Variants in PRKG1 observed in about 807,000 individuals in gnomAD.
PRKG1 encodes protein kinase cGMP-dependent 1.
A neutral mutation model predicts 88.1 loss-of-function variants in PRKG1; 35 were observed. That is an observed-to-expected ratio of 0.40 (90% CI 0.30 to 0.53). PRKG1 has a LOEUF of 0.53. Ranked by LOEUF, PRKG1 falls within the 20% of genes least tolerant of loss-of-function variation. The pLI, the probability that PRKG1 is intolerant of heterozygous loss-of-function variation, is 0.59. For missense variants in PRKG1, 540 were observed against 839.8 expected, an observed-to-expected ratio of 0.64 and a Z score of 4.41; for synonymous variants, 303 against 292.5, an observed-to-expected ratio of 1.04 and a Z score of -0.37.
rs1423389612 is a variant in PRKG1, at chr10:51,218,520, TATATATATATAA to T, written c.478+65192_478+65203del. 1.5e-3 allele frequency among the ~76,000 whole-genome samples: 197 copies of T among 127,542 alleles called. 3 individuals are homozygous for T. The highest frequency in any genetic ancestry group is 2.4e-3 in the South Asian group (10 of 4,088). The allele number at this position is 127,542 out of a possible 152,430, so 83.7% of individuals were successfully genotyped here. A position where few individuals can be genotyped will look rare whatever the true frequency, so the allele number is the denominator to read the frequency against. On this transcript the variant is annotated intron_variant, in intron 2 of 17. Coordinates refer to ENST00000373980, the MANE Select transcript of PRKG1 (RefSeq NM_006258.4). ...ATATATATATATATATATATATATATATATATATATAAAATGTGTGTATTTGGCATTTATATA... is the reference window on the plus strand; with the variant it reads ...ATATATATATATATATATATATATATAATGTGTGTATTTGGCATTTATATA...
chr10:51,096,611 G>C lies in PRKG1; in HGVS notation c.311+21710G>C, dbSNP rs1157196591. Among the ~76,000 whole-genome samples the C allele has an allele frequency of 2.0e-5, 3 of 152,242 alleles. No homozygotes were observed. In the East Asian group the frequency reaches 5.8e-4, roughly 29 times the overall value. ...GTACACCTCCCAGTTGGACTCTCAG[G>C]CCTGCCAATTTAATGCTGTGTTACT... On this transcript the variant is annotated intron_variant, in intron 1 of 17. Coordinates refer to ENST00000373980, the MANE Select transcript of PRKG1 (RefSeq NM_006258.4).
At chr10:51,154,080 A>T (rs1846144913) in intron 2 of PRKG1, among the ~76,000 whole-genome samples, 1 of 151,914 alleles carries the variant, frequency 6.6e-6, no homozygotes, top group Non-Finnish European at 1.5e-5. Flanking sequence ...ACACATGAAA[A>T]CCAGTTTCTT....
intron 3 of PRKG1, among the ~76,000 whole-genome samples, chr10:51,677,760 G>A (rs1241355711): frequency 3.3e-5 from 5 of 152,176 alleles, no homozygotes. Flanking sequence ...GAGGCACTAG[G>A]TTTTGGGGAC....
chr10:51,448,488 G>A lies in PRKG1; in HGVS notation c.479-19235G>A, dbSNP rs192414322. On this transcript the variant is annotated intron_variant, in intron 2 of 17. Coordinates refer to ENST00000373980, the MANE Select transcript of PRKG1 (RefSeq NM_006258.4). ...TTACTTTCCCTTGAAATTCAAACAG[G>A]TTATTTCTGAGGATTGTGACTGCAT... Among the ~76,000 whole-genome samples, 3 of 152,102 alleles carry A rather than the reference G, an allele frequency of 2.0e-5. No individual in the cohort carries two copies. In the East Asian group the frequency reaches 5.8e-4, roughly 30 times the overall value.
intron 2 of PRKG1, among the ~76,000 whole-genome samples, chr10:51,349,549 CAGGCTGGAGTGCAG>C (rs1842194804): frequency 6.7e-6 from 1 of 148,996 alleles, no homozygotes; most frequent in Non-Finnish European, 1.5e-5. Context: ...CTCTGACACT[CAGGCTGGAGTGCAG>C]TGGCATGATC....
chr10:51,209,454 G>A lies in PRKG1; in HGVS notation c.478+56124G>A, dbSNP rs973608935. Among the ~76,000 whole-genome samples the A allele has an allele frequency of 3.9e-5, 6 of 152,240 alleles. No homozygotes were observed. The East Asian group carries it at 1.2e-3, about 29-fold the overall frequency. ...CCTGGTAAAAGTAAAATAATATAAT[G>A]TGTAAGAACTGTTCACTCATTAAGG... On this transcript the variant is annotated intron_variant, in intron 2 of 17. Transcript: ENST00000373980.
intron 2 of PRKG1, among the ~76,000 whole-genome samples, chr10:51,292,069 A>G (rs1053892181): frequency 2.6e-5 from 4 of 152,206 alleles, no homozygotes; most frequent in African/African-American, 7.2e-5. Context: ...GAGCTGCAAC[A>G]TAGCAGTTAT....
At chr10:51,927,792 T>C (rs78260550) in intron 5 of PRKG1, among the ~76,000 whole-genome samples, 1 of 152,312 alleles carries the variant, frequency 6.6e-6, no homozygotes, top group East Asian at 1.9e-4. Flanking sequence ...AAGATTTGTA[T>C]TATCATTTGA....
chr10:52,189,317 T>C (rs905486185), intron 9 of PRKG1, among the ~76,000 whole-genome samples: 9 of 152,198 alleles, frequency 5.9e-5, no homozygotes, highest in African/African-American at 2.2e-4. Context: ...TGCAGGTATA[T>C]GTTTGTGAAC....
intron 9 of PRKG1, among the ~76,000 whole-genome samples, chr10:52,171,786 A>AATTT (rs1172317696): frequency 1.1e-5 from 1 of 93,860 alleles, no homozygotes; most frequent in African/African-American, 4.3e-5. Context: ...TTTTATCAAA[A>AATTT]TTTTTTTTTT....
chr10:52,288,265 C>T (rs566540056), intron 14 of PRKG1, among the ~76,000 whole-genome samples: 11 of 152,130 alleles, frequency 7.2e-5, no homozygotes, highest in Non-Finnish European at 1.3e-4. Flanking sequence ...GGAAAGTGCT[C>T]GGCATTTCAG....
chr10:51,207,768 A>G (rs145802996), intron 2 of PRKG1, among the ~76,000 whole-genome samples: 316 of 152,304 alleles, frequency 2.1e-3, no homozygotes, highest in Admixed American at 3.9e-3. Flanking sequence ...GAACTCTTAA[A>G]GAAAATGTGT....
chr10:52,196,260 CCCT>C (rs1176000536), intron 9 of PRKG1, among the ~76,000 whole-genome samples: 5 of 152,146 alleles, frequency 3.3e-5, no homozygotes, highest in Non-Finnish European at 5.9e-5. Flanking sequence ...TCATGATCCG[CCCT>C]CCTCAGCCTC....
intron 3 of PRKG1, among the ~76,000 whole-genome samples, chr10:51,729,809 G>A (rs1220230980): frequency 6.6e-6 from 1 of 150,888 alleles, no homozygotes. Context: ...AGTAGAATGA[G>A]TGATGTTTTC....
In PRKG1 at chr10:51,577,252, T is replaced by C. The variant is rs139422552; in HGVS notation, c.592+109416T>C. On this transcript the variant is annotated intron_variant, in intron 3 of 17. Transcript: ENST00000373980. ...GTGTTAGCATTGTACACTTGCATCA[T>C]ATTAGTCAATCTGCCAACCTAAAAA... Among the ~76,000 whole-genome samples the C allele has an allele frequency of 1.2e-4, 19 of 152,130 alleles. No homozygotes were observed. The East Asian group carries it at 3.7e-3, about 29-fold the overall frequency.
intron 3 of PRKG1, among the ~76,000 whole-genome samples, chr10:51,584,228 T>G (rs1009583214): frequency 3.3e-5 from 5 of 152,070 alleles, no homozygotes; most frequent in African/African-American, 1.2e-4. Flanking sequence ...GCCTTTTGTT[T>G]GAATAGAATT....
chr10:51,757,598 A>G (rs1837903386), intron 3 of PRKG1, among the ~76,000 whole-genome samples: 1 of 152,208 alleles, frequency 6.6e-6, no homozygotes, highest in African/African-American at 2.4e-5. Flanking sequence ...CCAATATGGT[A>G]GCAGCTAGCC....
intron 3 of PRKG1, among the ~76,000 whole-genome samples, chr10:51,509,446 C>T (rs1016955226): frequency 2.6e-5 from 4 of 152,150 alleles, no homozygotes; most frequent in Admixed American, 2.6e-4. Flanking sequence ...GTGTCATTAA[C>T]GTATCTGTAG....
chr10:51,405,956 G>A (rs917193421), intron 2 of PRKG1, among the ~76,000 whole-genome samples: 21 of 152,156 alleles, frequency 1.4e-4, no homozygotes, highest in African/African-American at 5.1e-4. Flanking sequence ...CATGAAGACA[G>A]GGTAGCAAGC....
Sources: gnomAD v4.1 joint callset for allele counts (sites outside exome capture counted in the v4.1 genomes callset) on GRCh38, gnomAD v4.1.1 for gene constraint, MANE v1.5 for transcripts, NCBI Gene and HGNC (gene_info 2026-07-23, HGNC 2026-07-21) for gene names.